Variants in ZMYND11 observed in about 807,000 individuals in gnomAD.
ZMYND11 encodes zinc finger MYND domain-containing protein 11.
ZMYND11 carries 9 observed loss-of-function variants against 84.9 expected under a neutral mutation model. That is an observed-to-expected ratio of 0.11 (90% CI 0.06 to 0.18). ZMYND11 has a LOEUF of 0.18. Among genes scored for constraint, ZMYND11 ranks in the 10% least tolerant of loss-of-function variants. ZMYND11 has a pLI of 1.00. For synonymous variants in ZMYND11, 250 were observed against 244.1 expected, an observed-to-expected ratio of 1.02 and a Z score of -0.23; for missense variants, 409 against 761.0, an observed-to-expected ratio of 0.54 and a Z score of 5.44.
chr10:205,802 T>C (rs1564378526), intron 2 of ZMYND11, among the ~76,000 whole-genome samples: 2 of 152,160 alleles, frequency 1.3e-5, no homozygotes, highest in African/African-American at 4.8e-5. Flanking sequence ...AACTTTTTTT[T>C]TTTGACTCGG....
intron 1 of ZMYND11, among the ~76,000 whole-genome samples, chr10:149,185 T>G (rs376175875): frequency 6.6e-6 from 1 of 151,938 alleles, no homozygotes; most frequent in African/African-American, 2.4e-5. Flanking sequence ...CAGTCTCTGA[T>G]CTCATTCTCC....
chr10:178,412 G>A (rs1004355515), intron 1 of ZMYND11, among the ~76,000 whole-genome samples: 5 of 152,174 alleles, frequency 3.3e-5, no homozygotes, highest in Non-Finnish European at 7.3e-5. Flanking sequence ...TATTATTACA[G>A]TTCACCATTA....
rs773651937 is a variant in ZMYND11, at chr10:237,691, C to A, written c.609+14C>A. On this transcript the variant is annotated intron_variant, in intron 6 of 14. Coordinates refer to ENST00000381604, the MANE Select transcript of ZMYND11 (RefSeq NM_001370100.5). ...ACCATTCAAGAGGTAAAGTCGGTTT[C>A]TTTTATTTCCACTTCAAGTACATTT... 1.5e-5 allele frequency: 23 copies of A among 1,584,614 alleles called. No homozygotes were observed. Among genetic ancestry groups the A allele is most frequent in the African/African-American group, 2.7e-5 (2 of 73,662 alleles).
intron 8 of ZMYND11, 28 bp from the exon 9 acceptor site, chr10:240,865 G>C (rs370618626): frequency 6.4e-7 from 1 of 1,569,012 alleles, no homozygotes. Context: ...ATTTTATGTA[G>C]GCTAAAGTAG....
intron 3 of ZMYND11, among the ~76,000 whole-genome samples, chr10:213,844 T>G (rs1564393947): frequency 6.6e-6 from 1 of 152,214 alleles, no homozygotes; most frequent in Non-Finnish European, 1.5e-5. Context: ...TGTTACATTT[T>G]TATTTCACCT....
At chr10:132,919 G>T (rs551790711), upstream of ZMYND11, among the ~76,000 whole-genome samples, 96 of 152,306 alleles carry the variant, frequency 6.3e-4, no homozygotes, top group African/African-American at 2.2e-3. Context: ...GAATCAAGAA[G>T]TAAAAATCTG....
chr10:198,952 G>A (rs1232183857), intron 2 of ZMYND11, among the ~76,000 whole-genome samples: 1 of 152,108 alleles, frequency 6.6e-6, no homozygotes, highest in African/African-American at 2.4e-5. Context: ...CTCTTTCCAG[G>A]TTAGCTTTAA....
chr10:201,545 T>C (rs1943136882), intron 2 of ZMYND11, among the ~76,000 whole-genome samples: 1 of 145,934 alleles, frequency 6.9e-6, no homozygotes, highest in Admixed American at 7.0e-5. Context: ...TTTCTTACTT[T>C]TGTAAAAATG....
At chr10:200,375 TG>T (rs1485954602) in intron 2 of ZMYND11, among the ~76,000 whole-genome samples, 23 of 145,520 alleles carry the variant, frequency 1.6e-4, no homozygotes, top group East Asian at 5.9e-4. Flanking sequence ...TGTGTATATA[TG>T]TATATATAAC....
Position 248,547 on chromosome 10 carries a change from A to G in ZMYND11, c.1439A>G (p.Asp480Gly). ...KYTKIFNDFK[D>G]RMKSDHKRET... ...ACCAAGATCTTCAATGACTTCAAAG[A>G]CCGGATGAAGTCGGACCACAAGCGG... The change falls in exon 13 of 15, where the codon GAC (aspartate) becomes GGC (glycine). Residue 480 changes from aspartate (D) to glycine (G), a missense_variant. By Grantham distance (94) the Asp-to-Gly change is moderately conservative (BLOSUM62 -1). This residue lies in a region of ZMYND11 where 141 missense variants were observed against 173.8 expected (regional missense o/e 0.81). Transcript: ENST00000381604. 6.2e-7 allele frequency: 1 copy of G among 1,613,878 alleles called. No individual in the cohort carries two copies. The highest frequency in any genetic ancestry group is 8.5e-7 in the Non-Finnish European group (1 of 1,179,998).
intron 1 of ZMYND11, among the ~76,000 whole-genome samples, chr10:153,462 A>G (rs1840914106): frequency 6.6e-6 from 1 of 152,252 alleles, no homozygotes; most frequent in Admixed American, 6.5e-5. Flanking sequence ...CCATGCTGGT[A>G]ATTACTCAAA....
intron 1 of ZMYND11, among the ~76,000 whole-genome samples, chr10:160,788 C>T (rs1274869778): frequency 6.6e-6 from 1 of 152,096 alleles, no homozygotes; most frequent in Non-Finnish European, 1.5e-5. Flanking sequence ...GAGATTATAG[C>T]AATTCAGTTA....
intron 6 of ZMYND11, among the ~76,000 whole-genome samples, chr10:238,552 T>G (rs1286359521): frequency 6.6e-6 from 1 of 152,036 alleles, no homozygotes; most frequent in Non-Finnish European, 1.5e-5. Flanking sequence ...GAGACGGGGT[T>G]TCACCGTTTT....
intron 1 of ZMYND11, among the ~76,000 whole-genome samples, chr10:157,220 G>A (rs540880919): frequency 6.6e-6 from 1 of 152,128 alleles, no homozygotes; most frequent in African/African-American, 2.4e-5. Context: ...TATTTTTGGA[G>A]ACAGAGTCTC....
intron 1 of ZMYND11, among the ~76,000 whole-genome samples, chr10:158,993 T>TTTTTTTTTTTTTTTTTTTTTTTTTTG (rs1842363808): frequency 6.9e-6 from 1 of 145,412 alleles, no homozygotes; most frequent in African/African-American, 2.6e-5. Flanking sequence ...TGTTTTTTGT[T>TTTTTTTTTTTTTTTTTTTTTTTTTTG]TTTTTTTTTT....
intron 6 of ZMYND11, 113 bp from the exon 7 acceptor site, chr10:239,325 G>A: frequency 2.6e-6 from 2 of 784,256 alleles, no homozygotes; most frequent in Non-Finnish European, 4.2e-6. Flanking sequence ...CTGTGGGATG[G>A]CAGTAGTCAT....
At chr10:143,815 A>G (rs1162348815) in intron 1 of ZMYND11, among the ~76,000 whole-genome samples, 2 of 152,176 alleles carry the variant, frequency 1.3e-5, no homozygotes, top group East Asian at 1.9e-4. Context: ...CTTGTGATCA[A>G]TATTCATGTT....
In ZMYND11 at chr10:143,671, C is replaced by A. The variant is rs530440042; in HGVS notation, c.-20+8112C>A. Among the ~76,000 whole-genome samples, 7 of 152,252 alleles carry A rather than the reference C, an allele frequency of 4.6e-5. No individual in the cohort carries two copies. In the East Asian group the frequency reaches 1.2e-3, roughly 25 times the overall value. On this transcript the variant is annotated intron_variant, in intron 1 of 14. Transcript: ENST00000381604. ...ACAGTATTTTTTTCTACTGTACTTA[C>A]AATTTGGCATTTGCTTGTATGTTTA...
rs574485260 is a variant in ZMYND11 at position 203,187 on chromosome 10, C to T, written c.117-6702C>T. Among the ~76,000 whole-genome samples the T allele has an allele frequency of 4.9e-4, 74 of 152,224 alleles. No individual in the cohort carries two copies. The East Asian group carries it at 0.011, about 23-fold the overall frequency. On this transcript the variant is annotated intron_variant, in intron 2 of 14. Transcript: ENST00000381604. ...AAGATAAGGATACCCACTGTTACTA[C>T]GTATGGTGTGCACTTTACTAGAAGT...
Sources: allele counts gnomAD v4.1 joint callset (sites outside exome capture counted in the v4.1 genomes callset), GRCh38; gene constraint gnomAD v4.1.1; regional missense constraint gnomAD v4.1.1; transcripts MANE v1.5; gene names NCBI Gene and HGNC (gene_info 2026-07-23, HGNC 2026-07-21).